The following CPNE7 variants were observed in gnomAD, a reference collection of about 807,000 sequenced individuals.
CPNE7 encodes copine 7, also known as copine-7.
Under a neutral mutation model 66.5 loss-of-function variants are expected in CPNE7, and 78 were observed. The ratio of observed to expected loss-of-function variants is 1.17; its 90% CI spans 0.98 to 1.42. The LOEUF (loss-of-function observed/expected upper bound fraction) is 1.42, where lower values mean the gene tolerates loss of function less well. CPNE7 is among the 40% of genes most tolerant of loss of function. The probability of loss-of-function intolerance (pLI) is 0.00; values close to 1 mark genes in which losing one functional copy is unlikely to be tolerated. For synonymous variants in CPNE7, 468 were observed against 336.7 expected (o/e 1.39, Z -4.27); for missense variants, 1,012 against 776.6 (o/e 1.30, Z -3.60).
chr16:89,589,772 A>G (rs2059141311), intron 10 of CPNE7, 125 bp from the exon 11 acceptor site: 5 of 961,070 alleles, frequency 5.2e-6, no homozygotes, highest in Non-Finnish European at 8.0e-6. Flanking sequence ...GCAGGTGCTT[A>G]CTGCCGTGGT....
In CPNE7 at chr16:89,595,505, C is replaced by T. The variant is rs773652729; in HGVS notation, c.1441C>T (p.Gln481Ter). Reference sequence around the variant, plus strand: ...GGGCAACGCCGACTTCACCGACATGCAGGTCCTGGACGGCGACGACGGCGT... The same window carrying T: ...GGGCAACGCCGACTTCACCGACATGTAGGTCCTGGACGGCGACGACGGCGT... ...GVGNADFTDM[Q>*]VLDGDDGVLR... is the part of the protein sequence containing the mutation. The change falls in exon 14 of 15, where the codon CAG becomes TAG. Residue 481 changes from glutamine (Q) to a stop codon, truncating the protein, a stop_gained. Coordinates refer to ENST00000319518, the MANE Select transcript of CPNE7 (RefSeq NM_153636.3). LOFTEE classifies it high-confidence loss of function. 3.7e-6 allele frequency: 6 copies of T among 1,612,528 alleles called. No homozygotes were observed. The highest frequency in any genetic ancestry group is 5.1e-6 in the Non-Finnish European group (6 of 1,179,906).
Position 89,595,379 on chromosome 16 carries a change from C to A in CPNE7, c.1315C>A (p.Leu439Met). ...CCTGTGCCCCCAGCAATACTACATCCTGCTGATCCTGACGGACGGCGTGGT... is the reference window on the plus strand; with the variant it reads ...CCTGTGCCCCCAGCAATACTACATCATGCTGATCCTGACGGACGGCGTGGT... ...STGKASQYYILLILTDGVVTD... is the reference protein window; with the variant it reads ...STGKASQYYIMLILTDGVVTD... Residue 439 changes from leucine to methionine, a missense_variant, in exon 14 of 15, where the codon CTG becomes ATG. Leu to Met is a conservative substitution (Grantham distance 15). Transcript: ENST00000319518. The A allele has an allele frequency of 6.3e-7, 1 of 1,576,950 alleles. No individual in the cohort carries two copies. Among genetic ancestry groups the A allele is most frequent in the South Asian group, 1.2e-5 (1 of 85,498 alleles).
chr16:89,580,389 A>G (rs1215165995), intron 2 of CPNE7, among the ~76,000 whole-genome samples: 2 of 143,072 alleles, frequency 1.4e-5, no homozygotes, highest in African/African-American at 5.2e-5. Flanking sequence ...GTCACATGGA[A>G]CATCCCATCA....
intron 2 of CPNE7, among the ~76,000 whole-genome samples, chr16:89,581,042 C>T (rs1046263264): frequency 1.3e-5 from 2 of 150,390 alleles, no homozygotes; most frequent in African/African-American, 4.9e-5. Context: ...CGGAACATCC[C>T]GTAACCCATC....
In CPNE7 at chr16:89,587,617, G is replaced by A. The variant is rs775957507; in HGVS notation, c.927+515G>A. On this transcript the variant is annotated intron_variant, in intron 9 of 14. Transcript: ENST00000319518. ...TGAGTGAACCAGCCACAGTCTCTAC[G>A]TGTCATCCAAGGAGCCCGGCACAGA... The A allele has an allele frequency of 8.6e-5, 39 of 452,352 alleles. 1 individual carries two copies. The highest frequency in any genetic ancestry group is 4.5e-4 in the South Asian group (29 of 64,312). The allele number at this position is 452,352 out of a possible 1,614,324, so 28.0% of individuals were successfully genotyped here.
In CPNE7 at chr16:89,588,946, T is replaced by C. The variant is rs923810348; in HGVS notation, c.1061+138T>C. On this transcript the variant is annotated intron_variant, in intron 10 of 14. Coordinates refer to ENST00000319518, the MANE Select transcript of CPNE7 (RefSeq NM_153636.3). The stretch of plus-strand genomic sequence containing the variant: ...CCCGGCCGGTTTTCCCTCACCCCCC[T>C]GGGCTCCAGGTCAGGCCTCGGGGCA... 65 of 1,032,234 alleles carry C rather than the reference T, an allele frequency of 6.3e-5. No individual in the cohort carries two copies. The African/African-American group carries it at 9.8e-4, about 16-fold the overall frequency. The allele number at this position is 1,032,234 out of a possible 1,614,324, so 63.9% of individuals were successfully genotyped here.
intron 9 of CPNE7, 24 bp downstream of exon 9, chr16:89,587,126 GCCGCCCCC>G (rs1567959457): frequency 1.7e-6 from 2 of 1,165,314 alleles, no homozygotes; most frequent in African/African-American, 4.9e-5. Flanking sequence ...CCCGCCCCAT[GCCGCCCCC>G]TCAGTCCGTG....
intron 11 of CPNE7, 79 bp from the exon 12 acceptor site, chr16:89,590,928 G>T: frequency 6.8e-7 from 1 of 1,476,300 alleles, no homozygotes; most frequent in Non-Finnish European, 9.3e-7. Context: ...GGGACGGGGG[G>T]AGCAGCTGAC....
At chr16:89,591,935 A>AGG (rs1156597681) in intron 13 of CPNE7, among the ~76,000 whole-genome samples, 28 of 149,874 alleles carry the variant, frequency 1.9e-4, no homozygotes, top group African/African-American at 5.7e-4. Context: ...TCCTGACCTC[A>AGG]TGATCCACCC....
intron 2 of CPNE7, among the ~76,000 whole-genome samples, chr16:89,581,268 C>G (rs183040): frequency 1.3e-5 from 2 of 149,470 alleles, no homozygotes; most frequent in Non-Finnish European, 3.0e-5. Flanking sequence ...ACCCGTCACA[C>G]GGAACATCCT....
At chr16:89,586,226 C>G (rs2059036651) in intron 7 of CPNE7, among the ~76,000 whole-genome samples, 1 of 152,086 alleles carries the variant, frequency 6.6e-6, no homozygotes, top group African/African-American at 2.4e-5. Context: ...ATGGTGGACC[C>G]TGGTGCTGGC....
In CPNE7 at chr16:89,577,577, C is replaced by A. The variant is rs746899856; in HGVS notation, c.213C>A (p.Pro71=). Residue 71 remains proline, a synonymous_variant, in exon 2 of 15, where the codon CCC becomes CCA. Coordinates refer to ENST00000319518, the MANE Select transcript of CPNE7 (RefSeq NM_153636.3). ...RTEVVRSSLH[P]VFSKVFTVDY... is the part of the protein sequence containing the mutation. ...AGGTGGTCCGGAGCAGCCTGCATCC[C>A]GTGTTCTCCAAGGTCTTCACGGTGG... 1 of 1,552,962 alleles carries A rather than the reference C, an allele frequency of 6.4e-7. No homozygotes were observed.
chr16:89,592,355 A>G (rs1212768845), intron 13 of CPNE7, among the ~76,000 whole-genome samples: 1 of 151,086 alleles, frequency 6.6e-6, no homozygotes, highest in Admixed American at 6.6e-5. Context: ...AAGAGCTCTG[A>G]GGTCCTGCAA....
At position 89,584,862 on chromosome 16, in the gene CPNE7, G is replaced by C. The variant is rs200930124; in HGVS notation, c.591+5G>C. 9.7e-5 allele frequency: 156 copies of C among 1,612,830 alleles called. No homozygotes were observed. In the East Asian group the frequency reaches 3.2e-3, roughly 33 times the overall value. ...CAGCTGGTGTACAGGACGGAGGTGA[G>C]CGGCCGGGGATGGGAACACAGGGAG... is the stretch of plus-strand genomic sequence containing the variant. On this transcript the variant is annotated splice_donor_5th_base_variant and intron_variant, in intron 5 of 14. Transcript: ENST00000319518. This position sits in a 1 kb window ranked among gnomAD's most constrained non-coding sequence, Gnocchi z 6.0.
chr16:89,588,504 C>T (rs1323302970), intron 9 of CPNE7, among the ~76,000 whole-genome samples, 171 bp from the exon 10 acceptor site: 1 of 152,146 alleles, frequency 6.6e-6, no homozygotes, highest in Non-Finnish European at 1.5e-5. Flanking sequence ...GAGACCTCTC[C>T]TGGCCCTGTG....
Position 89,584,126 on chromosome 16 carries a change from C to G in CPNE7, c.507+24C>G. 1 of 1,598,416 alleles carries G rather than the reference C, an allele frequency of 6.3e-7. No homozygotes were observed. The highest frequency in any genetic ancestry group is 8.5e-7 in the Non-Finnish European group (1 of 1,174,002). ...AGGTGAGTGCAGGTGCCGGGCACGC[C>G]TGGCTCAGGCTGAGGTCCGGGAACC... On this transcript the variant is annotated intron_variant, in intron 4 of 14. Coordinates refer to ENST00000319518, the MANE Select transcript of CPNE7 (RefSeq NM_153636.3). The surrounding 1 kb of genome is among the most constrained non-coding windows in gnomAD (Gnocchi z 6.0).
intron 9 of CPNE7, chr16:89,587,515 C>G: frequency 2.2e-6 from 1 of 452,230 alleles, no homozygotes; most frequent in South Asian, 1.6e-5. Flanking sequence ...TGGGAGGTGA[C>G]ATCACCAGGG....
At position 89,591,140 on chromosome 16, in the gene CPNE7, G is replaced by A; in HGVS notation, c.1182G>A (p.Val394=). 3 of 1,611,546 alleles carry A rather than the reference G, an allele frequency of 1.9e-6. No individual in the cohort carries two copies. Among genetic ancestry groups the A allele is most frequent in the East Asian group, 2.2e-5 (1 of 44,830 alleles). ...EDDECEGIQG[V]VEAYQNCLPR... ...TGCCCCCCACAGGCATCCAGGGCGT[G>A]GTGGAGGCCTACCAGAACTGCCTGC... The change falls in exon 13 of 15, where the codon GTG becomes GTA. Residue 394 remains valine, a synonymous_variant. Coordinates refer to ENST00000319518, the MANE Select transcript of CPNE7 (RefSeq NM_153636.3).
In CPNE7 at chr16:89,586,683, G is replaced by A. The variant is rs2059045504; in HGVS notation, c.794G>A (p.Cys265Tyr). The A allele has an allele frequency of 6.2e-7, 1 of 1,612,874 alleles. No homozygotes were observed. The highest frequency in any genetic ancestry group is 8.5e-7 in the Non-Finnish European group (1 of 1,179,622). ...AFEEGQAQWD[C>Y]VNPKYKQKRR... ...TTCCTGCCCCAGGCCCAGTGGGACTGTGTGAACCCCAAATACAAGCAGAAG... is the reference window on the plus strand; with the variant it reads ...TTCCTGCCCCAGGCCCAGTGGGACTATGTGAACCCCAAATACAAGCAGAAG... Residue 265 changes from cysteine to tyrosine, a missense_variant, in exon 8 of 15, where the codon TGT becomes TAT. Coordinates refer to ENST00000319518, the MANE Select transcript of CPNE7 (RefSeq NM_153636.3).
Sources: gnomAD v4.1 joint callset for allele counts (sites outside exome capture counted in the v4.1 genomes callset) on GRCh38, gnomAD v4.1.1 for gene constraint, Gnocchi (gnomAD v3.1) non-coding constraint, MANE v1.5 for transcripts, NCBI Gene and HGNC (gene_info 2026-07-23, HGNC 2026-07-21) for gene names.